SLC30A8: variants seen among roughly 807,000 people sequenced by gnomAD.
The protein encoded by SLC30A8 is solute carrier family 30 member 8.
Under a neutral mutation model 36.9 loss-of-function variants are expected in SLC30A8, and 27 were observed. The observed-to-expected ratio is 0.73, with a 90% CI of 0.54 to 1.01. The LOEUF (loss-of-function observed/expected upper bound fraction) is 1.01. Among genes scored for constraint, SLC30A8 ranks in the 50% least tolerant of loss-of-function variants. The pLI is 0.00. For missense variants in SLC30A8, 439 were observed against 452.0 expected, an observed-to-expected ratio of 0.97 and a Z score of 0.26; for synonymous variants, 164 against 172.4, an observed-to-expected ratio of 0.95 and a Z score of 0.38.
chr8:117,123,651 T>G (rs1399214849), intron 2 of SLC30A8, among the ~76,000 whole-genome samples: 3 of 152,068 alleles, frequency 2.0e-5, no homozygotes, highest in Non-Finnish European at 4.4e-5. Context: ...TGAGGTATAA[T>G]TCACCTACAA....
At chr8:117,167,808 T>C (rs1186042386) in intron 6 of SLC30A8, among the ~76,000 whole-genome samples, 2 of 152,188 alleles carry the variant, frequency 1.3e-5, no homozygotes, top group Non-Finnish European at 2.9e-5. Flanking sequence ...AGAAGTGATA[T>C]TGCTGTTTCA....
At chr8:117,023,012 A>G (rs2130726503) in intron 1 of SLC30A8, among the ~76,000 whole-genome samples, 1 of 152,280 alleles carries the variant, frequency 6.6e-6, no homozygotes, top group Admixed American at 6.5e-5. Context: ...TCTACAATGA[A>G]CTCCAACAAA....
intron 2 of SLC30A8, among the ~76,000 whole-genome samples, chr8:117,089,927 TG>T (rs1819035391): frequency 6.6e-6 from 1 of 152,188 alleles, no homozygotes; most frequent in South Asian, 2.1e-4. Flanking sequence ...CTTCTGCACT[TG>T]GGATTTTACA....
intron 2 of SLC30A8, among the ~76,000 whole-genome samples, chr8:117,125,422 T>TAACA (rs1224206461): frequency 6.6e-6 from 1 of 152,048 alleles, no homozygotes; most frequent in Non-Finnish European, 1.5e-5. Flanking sequence ...CAGACAGCAC[T>TAACA]AACATGTTAG....
intron 2 of SLC30A8, among the ~76,000 whole-genome samples, chr8:117,055,449 C>T (rs1047323741): frequency 6.6e-5 from 10 of 152,214 alleles, no homozygotes; most frequent in African/African-American, 2.4e-4. Flanking sequence ...GGCTGCATAG[C>T]ATGACTTCAC....
chr8:117,135,646 G>A (rs958312798), intron 1 of SLC30A8, among the ~76,000 whole-genome samples: 2 of 151,868 alleles, frequency 1.3e-5, no homozygotes, highest in African/African-American at 4.8e-5. Context: ...CATCTGTCAT[G>A]TTTATTCCAG....
intron 1 of SLC30A8, among the ~76,000 whole-genome samples, chr8:116,985,793 A>G (rs1815424222): frequency 2.0e-5 from 3 of 152,192 alleles, no homozygotes; most frequent in African/African-American, 7.2e-5. Flanking sequence ...CTGAGAAGCA[A>G]GAAATGCGTT....
At chr8:117,170,155 G>T (rs890514595) in intron 6 of SLC30A8, among the ~76,000 whole-genome samples, 9 of 152,062 alleles carry the variant, frequency 5.9e-5, no homozygotes, top group Non-Finnish European at 1.2e-4. Flanking sequence ...AATTGGTCTT[G>T]GGTGTAACTT....
Position 116,959,039 on chromosome 8 carries a change from C to T in SLC30A8, c.-266+7920C>T, listed in dbSNP as rs186092627. On this transcript the variant is annotated intron_variant, in intron 1 of 10. Transcript: ENST00000427715. ...TAATTTTTTGTATTTTTAGTAGAGA[C>T]TGGGTTTCACCGTGTTAGCCGGGAT... Among the ~76,000 whole-genome samples, 510 of 151,780 alleles carry T rather than the reference C, an allele frequency of 3.4e-3. 1 individual carries two copies. Among genetic ancestry groups the T allele is most frequent in the Non-Finnish European group, 5.6e-3 (383 of 67,906 alleles).
intron 1 of SLC30A8, among the ~76,000 whole-genome samples, chr8:117,023,923 C>T (rs1477255170): frequency 6.6e-6 from 1 of 150,702 alleles, no homozygotes; most frequent in Non-Finnish European, 1.5e-5. Context: ...TTCCATGGGA[C>T]TCTTAAGTTT....
intron 1 of SLC30A8, among the ~76,000 whole-genome samples, chr8:116,968,955 T>TC (rs1814691382): frequency 6.6e-6 from 1 of 152,082 alleles, no homozygotes; most frequent in South Asian, 2.1e-4. Context: ...CAGGATGGTC[T>TC]CCATCTCTTG....
chr8:117,104,991 G>A (rs987018203), intron 2 of SLC30A8, among the ~76,000 whole-genome samples: 16 of 152,108 alleles, frequency 1.1e-4, no homozygotes, highest in South Asian at 6.2e-4. Flanking sequence ...TATAATTAGC[G>A]TATAATGAGC....
At chr8:117,137,876 ATCTCTTGAT>A (rs1190696800) in intron 1 of SLC30A8, among the ~76,000 whole-genome samples, 1 of 151,900 alleles carries the variant, frequency 6.6e-6, no homozygotes, top group Non-Finnish European at 1.5e-5. Context: ...AATAGATTCT[ATCTCTTGAT>A]TGCATGTGCA....
At chr8:117,036,917 G>T (rs1402236853) in intron 1 of SLC30A8, among the ~76,000 whole-genome samples, 13 of 152,128 alleles carry the variant, frequency 8.5e-5, no homozygotes, top group Non-Finnish European at 1.5e-5. Flanking sequence ...AAATCTTTCT[G>T]CCTTAGAAGG....
chr8:116,950,465 C>T (rs1253413670), upstream of SLC30A8: 1 of 152,194 alleles, frequency 6.6e-6, no homozygotes, highest in Non-Finnish European at 1.5e-5. Flanking sequence ...GACCTACTAC[C>T]TATCTGATTC....
intron 1 of SLC30A8, among the ~76,000 whole-genome samples, chr8:116,972,776 C>T (rs76559120): frequency 0.023 from 3,448 of 152,244 alleles, 117 homozygotes; most frequent in African/African-American, 0.078. Flanking sequence ...TAAATTATAT[C>T]TTCTTTTCTA....
chr8:116,999,406 G>C (rs982306816), intron 1 of SLC30A8, among the ~76,000 whole-genome samples: 2 of 152,196 alleles, frequency 1.3e-5, no homozygotes, highest in Non-Finnish European at 2.9e-5. Flanking sequence ...AGCAAGAGAA[G>C]TGAGCATGAG....
At chr8:116,985,101 A>G (rs1815397072) in intron 1 of SLC30A8, among the ~76,000 whole-genome samples, 1 of 152,134 alleles carries the variant, frequency 6.6e-6, no homozygotes, top group Non-Finnish European at 1.5e-5. Context: ...TATTTTAGAT[A>G]CAAGACTTTT....
chr8:117,058,669 G>A (rs12679099), intron 2 of SLC30A8, among the ~76,000 whole-genome samples: 4 of 152,150 alleles, frequency 2.6e-5, no homozygotes, highest in Admixed American at 6.5e-5. Context: ...ACTGCCACCC[G>A]GTTTTGCATG....
Sources: gnomAD v4.1 joint callset for allele counts (sites outside exome capture counted in the v4.1 genomes callset) on GRCh38, gnomAD v4.1.1 for gene constraint, MANE v1.5 for transcripts, NCBI Gene and HGNC (gene_info 2026-07-23, HGNC 2026-07-21) for gene names.